Variants in GCFC2 observed in about 807,000 individuals in gnomAD.
GCFC2 encodes intron Large complex component GCFC2.
GCFC2 carries 102 observed loss-of-function variants against 99.4 expected under a neutral mutation model. The ratio of observed to expected loss-of-function variants is 1.03; its 90% CI spans 0.87 to 1.21. The LOEUF is 1.21. Among genes scored for constraint, GCFC2 ranks in the 50% most tolerant of loss-of-function variants. GCFC2 has a pLI of 0.00. For synonymous variants in GCFC2, 338 were observed against 316.8 expected (o/e 1.07, Z -0.71); for missense variants, 973 against 920.9 (o/e 1.06, Z -0.73).
In GCFC2 at chr2:75,673,471, T is replaced by C; in HGVS notation, c.1862A>G (p.Asp621Gly). The part of the protein sequence containing the change: ...VSRMKKAVED[D>G]VFIPLYPKSA... ...CTTTGGATACAGAGGAATAAAAACA[T>C]CATCTTCTACTGCCTTTTTCATTCT... Residue 621 changes from aspartate to glycine, a missense_variant, in exon 13 of 17, where the codon GAT (aspartate) becomes GGT (glycine). Asp to Gly is a moderately conservative substitution (Grantham distance 94, BLOSUM62 -1). Transcript: ENST00000321027. 7.0e-7 allele frequency: 1 copy of C among 1,432,354 alleles called. No homozygotes were observed. The allele number at this position is 1,432,354 out of a possible 1,614,324, so 88.7% of individuals were successfully genotyped here. A position where few individuals can be genotyped will look rare whatever the true frequency, so the allele number is the denominator to read the frequency against.
chr2:75,709,091 CT>C (rs1377230218), intron 1 of GCFC2, among the ~76,000 whole-genome samples: 56 of 152,262 alleles, frequency 3.7e-4, no homozygotes, highest in African/African-American at 1.2e-3. Context: ...TGGGGTAATA[CT>C]TTTCACAAAA....
intron 1 of GCFC2, among the ~76,000 whole-genome samples, chr2:75,706,869 T>C (rs1680894680): frequency 6.6e-6 from 1 of 151,762 alleles, no homozygotes; most frequent in South Asian, 2.1e-4. Context: ...AGGCATCTAA[T>C]AATATATTTC....
intron 12 of GCFC2, among the ~76,000 whole-genome samples, chr2:75,677,769 G>A (rs1679411058): frequency 6.6e-6 from 1 of 152,140 alleles, no homozygotes; most frequent in Admixed American, 6.6e-5. Flanking sequence ...ACAAGGTCAG[G>A]AGATCAATAC....
chr2:75,707,335 C>T (rs1241373202), intron 1 of GCFC2, among the ~76,000 whole-genome samples: 1 of 151,906 alleles, frequency 6.6e-6, no homozygotes, highest in East Asian at 1.9e-4. Flanking sequence ...AAGATAACAC[C>T]AAGATAAAAC....
intron 15 of GCFC2, among the ~76,000 whole-genome samples, chr2:75,668,856 C>T (rs932711799): frequency 2.6e-5 from 4 of 152,166 alleles, no homozygotes; most frequent in Admixed American, 6.5e-5. Flanking sequence ...AAAATACTCT[C>T]CAAAAGAGCT....
intron 2 of GCFC2, among the ~76,000 whole-genome samples, chr2:75,703,639 C>T (rs554920087): frequency 6.6e-6 from 1 of 152,238 alleles, no homozygotes; most frequent in East Asian, 1.9e-4. Flanking sequence ...TCTCTTCCTC[C>T]TCCCAAAGCA....
intron 5 of GCFC2, among the ~76,000 whole-genome samples, chr2:75,695,561 T>C (rs1680273202): frequency 6.6e-6 from 1 of 152,222 alleles, no homozygotes; most frequent in South Asian, 2.1e-4. Flanking sequence ...CATATCGTAG[T>C]CACCCCTTAA....
At chr2:75,711,202 T>G, upstream of GCFC2, 18 of 985,272 alleles carry the variant, frequency 1.8e-5, no homozygotes, top group Non-Finnish European at 2.2e-5. Flanking sequence ...AAATCAAGCG[T>G]TATGCTTTCC....
At chr2:75,706,780 A>G (rs1680889476) in intron 1 of GCFC2, 129 bp from the exon 2 acceptor site, 1 of 506,638 alleles carries the variant, frequency 2.0e-6, no homozygotes, top group Admixed American at 3.6e-5. Context: ...TAAAGTAGAC[A>G]TATTGATCTT....
intron 13 of GCFC2, 112 bp downstream of exon 13, chr2:75,673,331 CA>C (rs910375239): frequency 1.5e-4 from 97 of 645,424 alleles, no homozygotes; most frequent in South Asian, 1.1e-3. Flanking sequence ...AAAAGAAACA[CA>C]AAAAACAAAA....
At chr2:75,694,456 T>C in intron 5 of GCFC2, 29 bp from the exon 6 acceptor site, 1 of 891,028 alleles carries the variant, frequency 1.1e-6, no homozygotes, top group Admixed American at 2.8e-5. Context: ...AATTAGTTTA[T>C]TTTTCATACT....
chr2:75,700,468 G>C (rs1396550854), intron 4 of GCFC2, among the ~76,000 whole-genome samples: 2 of 151,824 alleles, frequency 1.3e-5, no homozygotes, highest in African/African-American at 2.4e-5. Context: ...AGGTGTAGTC[G>C]AAGTAGATAT....
At chr2:75,690,521 A>T (rs1450038915) in intron 8 of GCFC2, 117 bp downstream of exon 8, 1 of 666,978 alleles carries the variant, frequency 1.5e-6, no homozygotes, top group South Asian at 1.7e-5. Context: ...TATTATTCTT[A>T]CAAATTAATA....
At chr2:75,706,827 C>T (rs1283089410) in intron 1 of GCFC2, among the ~76,000 whole-genome samples, 176 bp from the exon 2 acceptor site, 2 of 151,808 alleles carry the variant, frequency 1.3e-5, no homozygotes, top group African/African-American at 4.8e-5. Flanking sequence ...GAATGATCTA[C>T]TAAGTGTACA....
chr2:75,702,355 C>T lies in GCFC2; in HGVS notation c.463G>A (p.Asp155Asn). 1 of 1,611,810 alleles carries T rather than the reference C, an allele frequency of 6.2e-7. No individual in the cohort carries two copies. Residue 155 changes from aspartate to asparagine, a missense_variant, in exon 3 of 17, where the codon GAC (aspartate) becomes AAC (asparagine). Coordinates refer to ENST00000321027, the MANE Select transcript of GCFC2 (RefSeq NM_003203.5). The part of the protein sequence containing the change: ...RKRELARAQD[D>N]YISLDVQHTS... ...TGTTGTACATCCAAAGAAATATAGT[C>T]ATCTTGGGCCCTGGCCAATTCACGT... is the stretch of plus-strand genomic sequence containing the variant.
Position 75,687,836 on chromosome 2 carries a change from G to A in GCFC2, c.1681C>T (p.Arg561Ter), listed in dbSNP as rs140271309. ...SAIINKTIIP[R>*]LTDFVEFLWD... ...GGTTACGAAGCAGTACCTGTAAGTC[G>A]GGGAATAATTGTTTTGTTGATGATT... Residue 561 changes from arginine to a stop codon, truncating the protein, a stop_gained, in exon 11 of 17, where the codon CGA (arginine) becomes TGA (stop). Transcript: ENST00000321027. LOFTEE classifies it high-confidence loss of function. 223 of 1,605,362 alleles carry A rather than the reference G, an allele frequency of 1.4e-4. 2 individuals are homozygous for A. The highest frequency in any genetic ancestry group is 5.9e-4 in the South Asian group (53 of 89,182).
chr2:75,697,729 G>A (rs986869291), intron 4 of GCFC2: 1 of 152,340 alleles, frequency 6.6e-6, no homozygotes, highest in African/African-American at 2.4e-5. Context: ...TGTATATCCT[G>A]GATTATCCCG....
chr2:75,681,193 G>A (rs1247412286), intron 11 of GCFC2, among the ~76,000 whole-genome samples: 1 of 152,208 alleles, frequency 6.6e-6, no homozygotes, highest in African/African-American at 2.4e-5. Flanking sequence ...GATGGACGTA[G>A]AAGGCCGGTG....
At position 75,669,887 on chromosome 2, in the gene GCFC2, G is replaced by GACA. The variant is rs1221124435; in HGVS notation, c.2103+250_2103+251insTGT. The GACA allele has an allele frequency of 1.4e-5, 3 of 218,338 alleles. No homozygotes were observed. In the East Asian group the frequency reaches 2.7e-4, roughly 20 times the overall value. 13.5% of individuals were successfully genotyped at this position (218,338 alleles called of 1,614,324 possible). Reference sequence around the variant, plus strand: ...TTACAGGTGTTAGCCACCGCACCTGGCTAATTTTTGTATCTTTAGTAGAGA... The same window carrying GACA: ...TTACAGGTGTTAGCCACCGCACCTGGACACTAATTTTTGTATCTTTAGTAGAGA... On this transcript the variant is annotated intron_variant, in intron 15 of 16. Transcript: ENST00000321027.
Sources: allele counts gnomAD v4.1 joint callset (sites outside exome capture counted in the v4.1 genomes callset), GRCh38; gene constraint gnomAD v4.1.1; transcripts MANE v1.5; gene names NCBI Gene and HGNC (gene_info 2026-07-23, HGNC 2026-07-21).